Variants in MERTK observed in about 807,000 individuals in gnomAD.
MERTK encodes the protein MER proto-oncogene, tyrosine kinase, also known as tyrosine-protein kinase Mer.
Under a neutral mutation model 99.3 loss-of-function variants are expected in MERTK, and 69 were observed. The ratio of observed to expected loss-of-function variants is 0.70; its 90% CI spans 0.57 to 0.85. MERTK has a LOEUF of 0.85. MERTK is among the 40% of genes least tolerant of loss of function. The pLI is 0.00. For synonymous variants in MERTK, 426 were observed against 467.6 expected (o/e 0.91, Z 1.15); for missense variants, 1,125 against 1,249.4 (o/e 0.90, Z 1.50).
chr2:111,957,839 G>C lies in MERTK; in HGVS notation c.758-7352G>C, dbSNP rs1685178561. On this transcript the variant is annotated intron_variant, in intron 4 of 18. Coordinates refer to ENST00000295408, the MANE Select transcript of MERTK (RefSeq NM_006343.3). ...AGAAAGATGGACACTAGGGAAAAAAGAAAAAGAAGGGACAGAATTGTTTAT... is the reference window on the plus strand; with the variant it reads ...AGAAAGATGGACACTAGGGAAAAAACAAAAAGAAGGGACAGAATTGTTTAT... Among the ~76,000 whole-genome samples, 2 of 152,218 alleles carry C rather than the reference G, an allele frequency of 1.3e-5. 1 individual carries two copies. The highest frequency in any genetic ancestry group is 4.8e-5 in the African/African-American group (2 of 41,516).
chr2:111,904,237 A>T (rs1684096106), intron 1 of MERTK, among the ~76,000 whole-genome samples: 1 of 152,178 alleles, frequency 6.6e-6, no homozygotes, highest in Non-Finnish European at 1.5e-5. Flanking sequence ...GCCTCTCAGG[A>T]AGGTATAAAA....
intron 4 of MERTK, chr2:111,952,493 CTT>C (rs1206081494): frequency 6.5e-6 from 1 of 153,914 alleles, no homozygotes; most frequent in Non-Finnish European, 1.5e-5. Context: ...TGAGCCAAAA[CTT>C]AGGCTCCAAA....
rs111800223 is a variant in MERTK at position 111,990,591 on chromosome 2, T to C, written c.1297-3660T>C. Among the ~76,000 whole-genome samples the C allele has an allele frequency of 1.2e-3, 179 of 152,342 alleles. 1 individual carries two copies. Among genetic ancestry groups the C allele is most frequent in the African/African-American group, 4.1e-3 (172 of 41,580 alleles). On this transcript the variant is annotated intron_variant, in intron 8 of 18. Transcript: ENST00000295408. The stretch of plus-strand genomic sequence containing the variant: ...CTTTCTGGGGTTTCCTACTGAGTCA[T>C]AGGCCCTAAGTGAGTAGACACAGGT...
At position 111,929,415 on chromosome 2, in the gene MERTK, ACCT is replaced by A. The variant is rs1404812646; in HGVS notation, c.358_360del (p.Pro120del). On this transcript the variant is annotated inframe_deletion, in exon 2 of 19. Coordinates refer to ENST00000295408, the MANE Select transcript of MERTK (RefSeq NM_006343.3). ...TCAAATTTAATTGCTCAATCAGTGT[ACCT>A]AATATATACCAGGACACCACAATTT... is the stretch of plus-strand genomic sequence containing the variant. The A allele has an allele frequency of 4.3e-6, 7 of 1,614,156 alleles. No individual in the cohort carries two copies. Among genetic ancestry groups the A allele is most frequent in the Non-Finnish European group, 5.9e-6 (7 of 1,180,022 alleles).
intron 17 of MERTK, 133 bp from the exon 18 acceptor site, chr2:112,022,125 G>C (rs144356374): frequency 1.6e-6 from 2 of 1,232,538 alleles, no homozygotes; most frequent in Non-Finnish European, 2.3e-6. Context: ...TGGGAGAGCA[G>C]TGCGTCTCAC....
chr2:111,944,357 A>C (rs905847102), intron 2 of MERTK, among the ~76,000 whole-genome samples: 1 of 151,276 alleles, frequency 6.6e-6, no homozygotes, highest in African/African-American at 2.4e-5. Flanking sequence ...TATATTAGTC[A>C]GGGTTTTTCC....
intron 4 of MERTK, among the ~76,000 whole-genome samples, chr2:111,960,970 A>C (rs1385669425): frequency 6.6e-6 from 1 of 151,464 alleles, no homozygotes. Context: ...TATCACAGGG[A>C]TCCTTTTATA....
chr2:111,909,638 T>C (rs567881105), intron 1 of MERTK, among the ~76,000 whole-genome samples: 1 of 152,334 alleles, frequency 6.6e-6, no homozygotes, highest in South Asian at 2.1e-4. Flanking sequence ...TAATCACTTA[T>C]GTCTTTAAAT....
At chr2:111,953,071 G>A (rs1469964015) in intron 4 of MERTK, among the ~76,000 whole-genome samples, 1 of 152,192 alleles carries the variant, frequency 6.6e-6, no homozygotes, top group East Asian at 1.9e-4. Flanking sequence ...GGTAGTTGTA[G>A]AAATGACCAG....
chr2:111,991,279 G>A (rs1425854526), intron 8 of MERTK, among the ~76,000 whole-genome samples: 2 of 152,188 alleles, frequency 1.3e-5, no homozygotes, highest in African/African-American at 4.8e-5. Context: ...AGGCTGGAGT[G>A]TGGTGGCGTG....
At chr2:111,943,192 G>A (rs1684895819) in intron 2 of MERTK, among the ~76,000 whole-genome samples, 1 of 152,284 alleles carries the variant, frequency 6.6e-6, no homozygotes, top group Non-Finnish European at 1.5e-5. Context: ...CAGGTTGAGG[G>A]ATGAGATTTA....
At chr2:112,003,298 A>G (rs13430221) in intron 12 of MERTK, 111 bp downstream of exon 12, 28,427 of 633,392 alleles carry the variant, frequency 0.045, 715 homozygotes, top group African/African-American at 0.06. Flanking sequence ...ACTCTGAGTT[A>G]TACTATGGAT....
Position 111,900,134 on chromosome 2 carries a change from G to GT in MERTK, c.61+1344dup, listed in dbSNP as rs200445546. 8.8e-3 allele frequency among the ~76,000 whole-genome samples: 1,334 copies of GT among 152,184 alleles called. 21 individuals carry two copies. Among genetic ancestry groups the GT allele is most frequent in the African/African-American group, 0.031 (1,277 of 41,524 alleles). ...GCCTTCACCTATTACAGTCAAAGAT[G>GT]TTTTTTAGGAATACCTGGAAAGCTC... is the stretch of plus-strand genomic sequence containing the variant. On this transcript the variant is annotated intron_variant, in intron 1 of 18. Transcript: ENST00000295408.
intron 1 of MERTK, among the ~76,000 whole-genome samples, chr2:111,922,083 C>T (rs937034050): frequency 6.6e-6 from 1 of 152,214 alleles, no homozygotes; most frequent in Admixed American, 6.5e-5. Context: ...TGATGGCACA[C>T]AGCATCCTGG....
intron 6 of MERTK, among the ~76,000 whole-genome samples, chr2:111,974,769 C>CAAAAAAAAAAA (rs35594851): frequency 7.5e-5 from 4 of 53,348 alleles, no homozygotes; most frequent in African/African-American, 2.2e-4. Context: ...AGGTCCATCT[C>CAAAAAAAAAAA]AAAAAAAAAA....
At chr2:111,927,514 A>G (rs1456394568) in intron 1 of MERTK, among the ~76,000 whole-genome samples, 5 of 152,112 alleles carry the variant, frequency 3.3e-5, no homozygotes, top group Admixed American at 3.3e-4. Context: ...TACAAGAAAA[A>G]ATTTTAAACT....
intron 1 of MERTK, among the ~76,000 whole-genome samples, chr2:111,925,292 ATTTTTTTTTTTTTT>A (rs11433691): frequency 4.1e-5 from 1 of 24,490 alleles, no homozygotes; most frequent in Non-Finnish European, 7.3e-5. Context: ...ATATATATAT[ATTTTTTTTTTTTTT>A]TTTTTTTTTT....
chr2:111,901,810 C>T (rs1573556712), intron 1 of MERTK, among the ~76,000 whole-genome samples: 1 of 152,066 alleles, frequency 6.6e-6, no homozygotes, highest in East Asian at 1.9e-4. Flanking sequence ...CCACCTTAGC[C>T]TCTCAGAGTG....
At position 111,969,413 on chromosome 2, in the gene MERTK, C is replaced by G. The variant is rs553622561; in HGVS notation, c.960+1161C>G. On this transcript the variant is annotated intron_variant, in intron 6 of 18. Transcript: ENST00000295408. ...TATCCACTAAAAGTATTAATGCATC[C>G]TGCCTGGTACTTAATCATACAGTAG... Among the ~76,000 whole-genome samples the G allele has an allele frequency of 1.5e-4, 23 of 152,298 alleles. No individual in the cohort carries two copies. The South Asian group carries it at 4.6e-3, about 30-fold the overall frequency.
Sources: gnomAD v4.1 joint callset for allele counts (sites outside exome capture counted in the v4.1 genomes callset) on GRCh38, gnomAD v4.1.1 for gene constraint, MANE v1.5 for transcripts, NCBI Gene and HGNC (gene_info 2026-07-23, HGNC 2026-07-21) for gene names.